TAFA5: variants seen among roughly 807,000 people sequenced by gnomAD.
TAFA5 encodes the protein chemokine-like protein TAFA-5.
In TAFA5, 6 loss-of-function variants were observed where a neutral mutation model predicts 15.3. That is an observed-to-expected ratio of 0.39 (90% confidence interval 0.21 to 0.77). The LOEUF is 0.77. Ranked by LOEUF, TAFA5 falls within the 30% of genes least tolerant of loss-of-function variation. The pLI is 0.41. For missense variants in TAFA5, 161 were observed against 193.1 expected, an observed-to-expected ratio of 0.83 and a Z score of 0.98; for synonymous variants, 103 against 80.7, an observed-to-expected ratio of 1.28 and a Z score of -1.48.
At chr22:48,551,806 T>A (rs556455520) in intron 1 of TAFA5, among the ~76,000 whole-genome samples, 1 of 152,294 alleles carries the variant, frequency 6.6e-6, no homozygotes, top group Non-Finnish European at 1.5e-5. Flanking sequence ...GAGCCGCACC[T>A]CTGCCCCGCC....
chr22:48,694,831 TCCGCCCCCACCCCCC>T (rs1928659226), intron 2 of TAFA5, among the ~76,000 whole-genome samples: 1 of 50,628 alleles, frequency 2.0e-5, no homozygotes, highest in Non-Finnish European at 3.8e-5. Context: ...CGCTCCGACC[TCCGCCCCCACCCCCC>T]GCCGCTCCAG....
In TAFA5 at chr22:48,563,797, G is replaced by A. The variant is rs991593725; in HGVS notation, c.112+74093G>A. Among the ~76,000 whole-genome samples the A allele has an allele frequency of 4.6e-5, 7 of 152,206 alleles. 1 individual carries two copies. In the South Asian group the frequency reaches 6.2e-4, roughly 14 times the overall value. ...AAAGGTCAAGACCCCAAGGACCCAC[G>A]CCAGGTGGCAGCGTCGACTCCACCC... On this transcript the variant is annotated intron_variant, in intron 1 of 3. Transcript: ENST00000402357.
At chr22:48,634,769 C>CCACT (rs3059726) in intron 1 of TAFA5, among the ~76,000 whole-genome samples, 128,029 of 151,522 alleles carry the variant, frequency 0.84, 54,255 homozygotes, top group East Asian at 1. Context: ...AGTCACTCAG[C>CCACT]CACTCATTTA....
At chr22:48,618,832 C>A (rs1925707066) in intron 1 of TAFA5, among the ~76,000 whole-genome samples, 3 of 152,186 alleles carry the variant, frequency 2.0e-5, no homozygotes, top group Admixed American at 2.0e-4. Flanking sequence ...TGCTTCACAC[C>A]CATTCTTGTC....
intron 1 of TAFA5, among the ~76,000 whole-genome samples, chr22:48,559,248 C>T (rs919551830): frequency 5.9e-5 from 9 of 152,222 alleles, no homozygotes; most frequent in African/African-American, 9.6e-5. Context: ...TGGGCTGCCC[C>T]GCAGCAGATT....
intron 1 of TAFA5, among the ~76,000 whole-genome samples, chr22:48,507,093 G>A (rs1324072260): frequency 1.3e-5 from 2 of 152,072 alleles, no homozygotes. Context: ...GGCCAGGTAT[G>A]CAGTTGGAGG....
intron 1 of TAFA5, among the ~76,000 whole-genome samples, chr22:48,505,443 CAG>C (rs1920984980): frequency 6.6e-6 from 1 of 152,210 alleles, no homozygotes; most frequent in Non-Finnish European, 1.5e-5. Context: ...CAGAGGGTCT[CAG>C]AGGACCACAG....
At chr22:48,720,004 T>C (rs1239825523) in intron 3 of TAFA5, among the ~76,000 whole-genome samples, 1 of 152,186 alleles carries the variant, frequency 6.6e-6, no homozygotes, top group Non-Finnish European at 1.5e-5. Context: ...TGGGCGCCAT[T>C]TACAGTAATT....
intron 1 of TAFA5, chr22:48,544,810 C>T: frequency 2.1e-6 from 1 of 471,264 alleles, no homozygotes. Flanking sequence ...GGCCTGCAAA[C>T]AAGGTGTGGC....
chr22:48,709,153 A>T (rs132241), intron 3 of TAFA5, among the ~76,000 whole-genome samples: 1 of 152,000 alleles, frequency 6.6e-6, no homozygotes, highest in Non-Finnish European at 1.5e-5. Flanking sequence ...GGGCCTCCCC[A>T]GGTGTGGGCC....
At chr22:48,625,989 C>T (rs991111349) in intron 1 of TAFA5, among the ~76,000 whole-genome samples, 6 of 152,182 alleles carry the variant, frequency 3.9e-5, no homozygotes, top group Non-Finnish European at 5.9e-5. Context: ...CAGCAGTAAG[C>T]GTTTAAGGTT....
At chr22:48,723,179 A>G (rs1436615385) in intron 3 of TAFA5, among the ~76,000 whole-genome samples, 1 of 152,182 alleles carries the variant, frequency 6.6e-6, no homozygotes, top group Non-Finnish European at 1.5e-5. Flanking sequence ...TCAGACCCAG[A>G]TAGCAGCACA....
chr22:48,735,144 G>T (rs1929972843), intron 3 of TAFA5, among the ~76,000 whole-genome samples: 1 of 152,184 alleles, frequency 6.6e-6, no homozygotes, highest in Non-Finnish European at 1.5e-5. Context: ...ATGAGGAAAC[G>T]GAGGCACGGA....
rs144650190 is a variant in TAFA5, at chr22:48,748,222, C to T, written c.391-1617C>T. On this transcript the variant is annotated intron_variant, in intron 3 of 3. Transcript: ENST00000402357. The stretch of plus-strand genomic sequence containing the variant: ...GCCAGCTTGTTGGGCATCCACAGCC[C>T]GGTGTGATGGCAAGCTCACTCTGGG... Among the ~76,000 whole-genome samples, 788 of 152,346 alleles carry T rather than the reference C, an allele frequency of 5.2e-3. 5 individuals are homozygous for T. The highest frequency in any genetic ancestry group is 8.5e-3 in the Non-Finnish European group (579 of 68,042).
At chr22:48,701,450 G>T (rs530602627) in intron 2 of TAFA5, among the ~76,000 whole-genome samples, 4 of 152,272 alleles carry the variant, frequency 2.6e-5, no homozygotes, top group Non-Finnish European at 5.9e-5. Context: ...CTGGGACCCT[G>T]CCTGCCCGCT....
At chr22:48,563,716 C>A (rs537590351) in intron 1 of TAFA5, among the ~76,000 whole-genome samples, 12 of 152,370 alleles carry the variant, frequency 7.9e-5, no homozygotes, top group African/African-American at 2.4e-4. Flanking sequence ...CTGCTACCAG[C>A]GAGCTGAGCA....
chr22:48,696,250 G>A (rs1428693499), intron 2 of TAFA5, among the ~76,000 whole-genome samples: 2 of 152,296 alleles, frequency 1.3e-5, no homozygotes, highest in South Asian at 2.1e-4. Flanking sequence ...GTGGCTTTGC[G>A]CATTTCTCAG....
At chr22:48,608,383 G>A (rs991216906) in intron 1 of TAFA5, among the ~76,000 whole-genome samples, 3 of 151,962 alleles carry the variant, frequency 2.0e-5, no homozygotes, top group Admixed American at 6.6e-5. Context: ...GCTGAAATAC[G>A]GTTTTGCCTC....
intron 1 of TAFA5, among the ~76,000 whole-genome samples, chr22:48,537,225 A>AGGGGGG (rs1922199995): frequency 2.0e-5 from 3 of 150,010 alleles, no homozygotes; most frequent in Admixed American, 6.6e-5. Context: ...AGGGTGGGGC[A>AGGGGGG]GGGGAGGCCG....
Sources: allele counts gnomAD v4.1 joint callset (sites outside exome capture counted in the v4.1 genomes callset), GRCh38; gene constraint gnomAD v4.1.1; transcripts MANE v1.5; gene names NCBI Gene and HGNC (gene_info 2026-07-23, HGNC 2026-07-21).